NUP93: variants seen among roughly 807,000 people sequenced by gnomAD.
The protein encoded by NUP93 is nuclear pore complex protein Nup93.
Under a neutral mutation model 107.8 loss-of-function variants are expected in NUP93, and 55 were observed. That is an observed-to-expected ratio of 0.51 (90% CI 0.41 to 0.64). The LOEUF (loss-of-function observed/expected upper bound fraction) is 0.64. Among genes scored for constraint, NUP93 ranks in the 30% least tolerant of loss-of-function variants. The probability of loss-of-function intolerance (pLI) is 0.00; values close to 1 mark genes in which losing one functional copy is unlikely to be tolerated. For synonymous variants in NUP93, 390 were observed against 397.5 expected, an observed-to-expected ratio of 0.98 and a Z score of 0.22; for missense variants, 937 against 1,044.7, an observed-to-expected ratio of 0.90 and a Z score of 1.42.
At chr16:56,803,546 CCGT>C (rs1963067020) in intron 4 of NUP93, among the ~76,000 whole-genome samples, 1 of 151,904 alleles carries the variant, frequency 6.6e-6, no homozygotes, top group African/African-American at 2.4e-5. Flanking sequence ...ATTTTATAAT[CCGT>C]CATTATTTTA....
chr16:56,790,805 T>C (rs774015064), intron 3 of NUP93, among the ~76,000 whole-genome samples: 2 of 152,230 alleles, frequency 1.3e-5, no homozygotes, highest in Non-Finnish European at 2.9e-5. Context: ...GAATACTCAA[T>C]AGTATTCCAA....
In NUP93 at chr16:56,818,678, T is replaced by G; in HGVS notation, c.504T>G (p.Ser168Arg). 1 of 1,614,108 alleles carries G rather than the reference T, an allele frequency of 6.2e-7. No homozygotes were observed. The highest frequency in any genetic ancestry group is 1.3e-5 in the African/African-American group (1 of 75,046). ...TTTATCCACAGCCAAGCTACATCAGTGATGTGGGACCCCCTGGTCGAAGCT... is the reference window on the plus strand; with the variant it reads ...TTTATCCACAGCCAAGCTACATCAGGGATGTGGGACCCCCTGGTCGAAGCT... ...FTQESEPSYI[S>R]DVGPPGRSSL... The change falls in exon 6 of 22, where the codon AGT (serine) becomes AGG (arginine). Residue 168 changes from serine to arginine, a missense_variant. Coordinates refer to ENST00000308159, the MANE Select transcript of NUP93 (RefSeq NM_014669.5).
chr16:56,746,237 G>A (rs774833052), intron 1 of NUP93, among the ~76,000 whole-genome samples: 6 of 152,130 alleles, frequency 3.9e-5, no homozygotes, highest in African/African-American at 7.2e-5. Flanking sequence ...ATGGTTTCGT[G>A]TAATTAGTAG....
chr16:56,790,987 A>G (rs1317381094), intron 3 of NUP93, among the ~76,000 whole-genome samples: 1 of 151,956 alleles, frequency 6.6e-6, no homozygotes, highest in Non-Finnish European at 1.5e-5. Flanking sequence ...TTTTGTGTTG[A>G]TGTTATTTTG....
intron 2 of NUP93, among the ~76,000 whole-genome samples, chr16:56,749,536 T>G (rs572084128): frequency 6.6e-6 from 1 of 152,186 alleles, no homozygotes; most frequent in Non-Finnish European, 1.5e-5. Context: ...GCAGGAAATA[T>G]GGAAAATTGT....
intron 6 of NUP93, among the ~76,000 whole-genome samples, chr16:56,819,867 A>G (rs1469093878): frequency 1.3e-5 from 2 of 151,742 alleles, no homozygotes; most frequent in African/African-American, 2.4e-5. Flanking sequence ...GGCAGCTGAA[A>G]CCCCCAGCTT....
intron 1 of NUP93, among the ~76,000 whole-genome samples, chr16:56,740,085 C>G (rs1307827672): frequency 8.1e-5 from 10 of 123,758 alleles, no homozygotes; most frequent in African/African-American, 9.7e-5. Flanking sequence ...CTCACCCCCC[C>G]ACCTCCCTCC....
intron 7 of NUP93, among the ~76,000 whole-genome samples, chr16:56,822,764 A>G (rs532918210): frequency 4.6e-5 from 7 of 152,082 alleles, no homozygotes; most frequent in South Asian, 4.2e-4. Flanking sequence ...GGGTTTCACC[A>G]TGTTGGCCAG....
intron 21 of NUP93, chr16:56,842,822 G>A (rs768752991): frequency 1.7e-4 from 53 of 321,098 alleles, no homozygotes; most frequent in Non-Finnish European, 2.3e-4. Flanking sequence ...CAAAGTGCTA[G>A]GATTACAGAT....
chr16:56,739,510 G>C (rs1961672089), intron 1 of NUP93, among the ~76,000 whole-genome samples: 1 of 116,668 alleles, frequency 8.6e-6, no homozygotes, highest in African/African-American at 3.4e-5. Context: ...GGGGCGGCTG[G>C]CCGGGCGGGG....
At position 56,762,681 on chromosome 16, in the gene NUP93, A is replaced by T. The variant is rs1034132492; in HGVS notation, c.297+4026A>T. Reference sequence around the variant, plus strand: ...TAGGGATGCTGTAACAAAGTACTGCAAACTTGGTGGCCTAAAACAACAGAA... The same window carrying T: ...TAGGGATGCTGTAACAAAGTACTGCTAACTTGGTGGCCTAAAACAACAGAA... On this transcript the variant is annotated intron_variant, in intron 3 of 21. Coordinates refer to ENST00000308159, the MANE Select transcript of NUP93 (RefSeq NM_014669.5). Among the ~76,000 whole-genome samples the T allele has an allele frequency of 2.0e-5, 3 of 152,206 alleles. No homozygotes were observed. In the East Asian group the frequency reaches 5.8e-4, roughly 29 times the overall value.
Position 56,841,740 on chromosome 16 carries a change from C to G in NUP93, c.2256C>G (p.Thr752=), listed in dbSNP as rs1964029416. ...RHNLSEVLLA[T]MNILFTQFKR... ...ACCTCTCAGAAGTGCTTCTTGCCACCATGAACATCTTGTTCACACAGTTTA... is the reference window on the plus strand; with the variant it reads ...ACCTCTCAGAAGTGCTTCTTGCCACGATGAACATCTTGTTCACACAGTTTA... Residue 752 remains threonine (T), a synonymous_variant, in exon 21 of 22, where the codon ACC becomes ACG. Coordinates refer to ENST00000308159, the MANE Select transcript of NUP93 (RefSeq NM_014669.5). 2 of 1,614,164 alleles carry G rather than the reference C, an allele frequency of 1.2e-6. No homozygotes were observed. Among genetic ancestry groups the G allele is most frequent in the Non-Finnish European group, 1.7e-6 (2 of 1,179,996 alleles).
In NUP93 at chr16:56,831,998, G is replaced by T. The variant is rs531620406; in HGVS notation, c.1242G>T (p.Leu414=). The change falls in exon 11 of 22, where the codon CTG becomes CTT. Residue 414 remains leucine, a synonymous_variant. Transcript: ENST00000308159. ...SEVADKTEDY[L]WLKLNQVCFD... ...TGGCGGACAAAACTGAGGATTACCT[G>T]TGGCTGAAGGTAGGCACTGTTTCCC... 3.1e-6 allele frequency: 5 copies of T among 1,614,066 alleles called. 1 individual carries two copies. In the South Asian group the frequency reaches 5.5e-5, roughly 18 times the overall value.
At chr16:56,818,496 G>T (rs1596836507) in intron 5 of NUP93, among the ~76,000 whole-genome samples, 168 bp from the exon 6 acceptor site, 1 of 152,160 alleles carries the variant, frequency 6.6e-6, no homozygotes, top group Admixed American at 6.5e-5. Context: ...CATAGTAAAA[G>T]TTGCATGTTA....
chr16:56,734,903 T>G (rs1395487178), intron 1 of NUP93, among the ~76,000 whole-genome samples: 1 of 152,192 alleles, frequency 6.6e-6, no homozygotes, highest in Non-Finnish European at 1.5e-5. Flanking sequence ...TCCCACTCCA[T>G]GCACCCTACT....
chr16:56,792,116 G>A (rs1962779143), intron 3 of NUP93, among the ~76,000 whole-genome samples: 1 of 152,174 alleles, frequency 6.6e-6, no homozygotes, highest in South Asian at 2.1e-4. Context: ...GGAGTTTGCG[G>A]CTGCAGTGAG....
At chr16:56,839,164 T>C in intron 19 of NUP93, 95 bp downstream of exon 19, 1 of 822,182 alleles carries the variant, frequency 1.2e-6, no homozygotes, top group Non-Finnish European at 2.0e-6. Flanking sequence ...AAGGAGCTGT[T>C]GCCAGTATGT....
intron 9 of NUP93, 120 bp downstream of exon 9, chr16:56,829,229 G>C: frequency 8.0e-7 from 1 of 1,253,242 alleles, no homozygotes; most frequent in Non-Finnish European, 1.1e-6. Flanking sequence ...GGACCAGAGA[G>C]GGGTGAGGAC....
intron 5 of NUP93, among the ~76,000 whole-genome samples, chr16:56,807,248 C>G (rs991255548): frequency 5.9e-5 from 9 of 152,234 alleles, no homozygotes; most frequent in Non-Finnish European, 1.3e-4. Context: ...TGCTCTTCCC[C>G]CAAAGGACTG....
Sources: allele counts gnomAD v4.1 joint callset (sites outside exome capture counted in the v4.1 genomes callset), GRCh38; gene constraint gnomAD v4.1.1; transcripts MANE v1.5; gene names NCBI Gene and HGNC (gene_info 2026-07-23, HGNC 2026-07-21).